The following OPLAH variants were observed in gnomAD, a reference collection of about 807,000 sequenced individuals.
OPLAH encodes 5-oxoprolinase.
In OPLAH, 103 loss-of-function variants were observed where a neutral mutation model predicts 122.8. That is an observed-to-expected ratio of 0.84 (90% CI 0.71 to 0.99). The LOEUF is 0.99. OPLAH is among the 50% of genes least tolerant of loss of function. OPLAH has a pLI of 0.00. For missense variants in OPLAH, 1,902 were observed against 1,836.5 expected (o/e 1.04, Z -0.65); for synonymous variants, 875 against 796.0 (o/e 1.10, Z -1.67).
downstream of OPLAH, chr8:144,050,607 C>G (rs1835350574): frequency 1.0e-6 from 1 of 985,608 alleles, no homozygotes. Context: ...GGGCACGCGC[C>G]AAAAGCAGCC....
In OPLAH at chr8:144,056,901, G is replaced by C. The variant is rs2129806600; in HGVS notation, c.1706+47C>G. ...CAGGAGGAACACCCACCAAGGGCGT[G>C]GTGAGGACAACGTAAGCCCTCTGTC... is the stretch of plus-strand genomic sequence containing the variant. On this transcript the variant is annotated intron_variant, in intron 12 of 26. Transcript: ENST00000618853. The C allele has an allele frequency of 2.0e-6, 3 of 1,532,538 alleles. No homozygotes were observed. In the South Asian group the frequency reaches 3.6e-5, roughly 19 times the overall value. 94.9% of individuals were successfully genotyped at this position (1,532,538 alleles called of 1,614,324 possible).
intron 19 of OPLAH, 67 bp from the exon 20 acceptor site, chr8:144,053,460 AG>A: frequency 6.8e-7 from 1 of 1,479,174 alleles, no homozygotes. Context: ...CAGGTTTCCC[AG>A]ATCCAGACAA....
chr8:144,060,456 C>G (rs1393634799), intron 1 of OPLAH, among the ~76,000 whole-genome samples, 197 bp downstream of exon 1: 1 of 152,222 alleles, frequency 6.6e-6, no homozygotes, highest in Non-Finnish European at 1.5e-5. Flanking sequence ...GGGGACCCCA[C>G]TTCCCGCTTT....
At position 144,056,500 on chromosome 8, in the gene OPLAH, A is replaced by T; in HGVS notation, c.1868T>A (p.Val623Asp). 6.2e-7 allele frequency: 1 copy of T among 1,611,884 alleles called. No homozygotes were observed. Among genetic ancestry groups the T allele is most frequent in the South Asian group, 1.1e-5 (1 of 91,022 alleles). The change falls in exon 14 of 27, where the codon GTC becomes GAC. Residue 623 changes from valine (V) to aspartate (D), a missense_variant. This residue lies in a region of OPLAH where 1,726 missense variants were observed against 1,642.1 expected (regional missense o/e 1.05). Coordinates refer to ENST00000618853, the MANE Select transcript of OPLAH (RefSeq NM_017570.5). ...CACGACCACCGGCCGCTCAGGTATG[A>T]CAAAGCCAAACTCCCTCATGTACCT... is the stretch of plus-strand genomic sequence containing the variant. The part of the protein sequence containing the change: ...VERYMREFGF[V>D]IPERPVVVDD...
At chr8:144,052,687 A>T in intron 22 of OPLAH, 79 bp downstream of exon 22, 1 of 1,536,454 alleles carries the variant, frequency 6.5e-7, no homozygotes, top group Non-Finnish European at 8.8e-7. Flanking sequence ...CCGTGGGGTC[A>T]GACCGTGGCT....
intron 5 of OPLAH, 27 bp downstream of exon 5, chr8:144,058,746 C>T (rs1428867372): frequency 6.3e-6 from 10 of 1,583,110 alleles, no homozygotes; most frequent in Admixed American, 3.4e-5. Flanking sequence ...CACCTGCTCC[C>T]GCAGCCCACA....
In OPLAH at chr8:144,058,327, G is replaced by A. The variant is rs781841221; in HGVS notation, c.861C>T (p.Leu287=). ...CCACCACGCCGCCGGCCGGGCCCGAGAGCACAGCACTGGAGCCGCTGAAGG... is the reference window on the plus strand; with the variant it reads ...CCACCACGCCGCCGGCCGGGCCCGAAAGCACAGCACTGGAGCCGCTGAAGG... ...MDTFSGSSAV[L]SGPAGGVVGY... The change falls in exon 7 of 27, where the codon CTC becomes CTT. Residue 287 remains leucine, a synonymous_variant. Coordinates refer to ENST00000618853, the MANE Select transcript of OPLAH (RefSeq NM_017570.5). The A allele has an allele frequency of 1.3e-5, 21 of 1,601,396 alleles. No homozygotes were observed. The East Asian group carries it at 3.2e-4, about 24-fold the overall frequency.
Position 144,059,669 on chromosome 8 carries a change from A to T in OPLAH, c.293T>A (p.Leu98Gln). ...GTCTCGGAAGCCACGTGTCACCAGC[A>T]GCGCCACCCGCTCCCCCTTCCGCTC... ...LLERKGERVA[L>Q]LVTRGFRDLL... Residue 98 changes from leucine to glutamine, a missense_variant, in exon 3 of 27, where the codon CTG (leucine) becomes CAG (glutamine). By Grantham distance (113) the Leu-to-Gln change is moderately radical. This residue lies in a region of OPLAH where 168 missense variants were observed against 170.6 expected (regional missense o/e 0.98). Transcript: ENST00000618853. The T allele has an allele frequency of 1.2e-6, 2 of 1,612,544 alleles. No individual in the cohort carries two copies. The highest frequency in any genetic ancestry group is 1.7e-6 in the Non-Finnish European group (2 of 1,179,770).
chr8:144,059,880 G>A lies in OPLAH; in HGVS notation c.153C>T (p.Ile51=). 2 of 1,612,776 alleles carry A rather than the reference G, an allele frequency of 1.2e-6. No individual in the cohort carries two copies. Among genetic ancestry groups the A allele is most frequent in the Non-Finnish European group, 1.7e-6 (2 of 1,179,818 alleles). Residue 51 remains isoleucine, a synonymous_variant, in exon 2 of 27, where the codon ATC becomes ATT. Transcript: ENST00000618853. ...ANYADAPTEG[I]RRILEQEAGM... ...GGCCCACCTGCTCCAGGATGCGGCG[G>A]ATGCCTTCGGTTGGCGCGTCCGCAT...
Position 144,055,682 on chromosome 8 carries a change from G to C in OPLAH, c.2248+106C>G. 3.7e-6 allele frequency: 5 copies of C among 1,338,022 alleles called. No homozygotes were observed. The highest frequency in any genetic ancestry group is 4.9e-6 in the Non-Finnish European group (5 of 1,026,294). The allele number at this position is 1,338,022 out of a possible 1,614,324, so 82.9% of individuals were successfully genotyped here. ...CTGCGGCCACACTGCCCGCCCCGTC[G>C]CCAGGGGGTCCTGCTTCTGCCTCTC... On this transcript the variant is annotated intron_variant, in intron 16 of 26. Transcript: ENST00000618853. The surrounding 1 kb of genome is among the most constrained non-coding windows in gnomAD (Gnocchi z 6.5).
chr8:144,055,178 G>A lies in OPLAH; in HGVS notation c.2260C>T (p.Arg754Cys), dbSNP rs201623019. The change falls in exon 17 of 27, where the codon CGC becomes TGC. Residue 754 changes from arginine to cysteine, a missense_variant. By Grantham distance (180) the Arg-to-Cys change is radical (BLOSUM62 -3). Transcript: ENST00000618853. The surrounding 1 kb of genome is among the most constrained non-coding windows in gnomAD (Gnocchi z 6.5). ...GAGATGGCTGTGCGCTGCAGGATGCGGCCCATCTGCTCTAGGAGCACAAAG... is the reference window on the plus strand; with the variant it reads ...GAGATGGCTGTGCGCTGCAGGATGCAGCCCATCTGCTCTAGGAGCACAAAG... ...RFMSIAEQMGRILQRTAISTN... is the reference protein window; with the variant it reads ...RFMSIAEQMGCILQRTAISTN... The A allele has an allele frequency of 2.2e-4, 340 of 1,541,104 alleles. No homozygotes were observed. Among genetic ancestry groups the A allele is most frequent in the Non-Finnish European group, 2.8e-4 (324 of 1,146,088 alleles).
downstream of OPLAH, chr8:144,050,493 C>G (rs1282747339): frequency 3.0e-6 from 3 of 985,304 alleles, no homozygotes; most frequent in Non-Finnish European, 3.6e-6. Context: ...AGGGGCGGAG[C>G]CAGGAGGCCC....
chr8:144,052,423 G>A (rs782245248), intron 23 of OPLAH, 26 bp downstream of exon 23: 6 of 1,463,914 alleles, frequency 4.1e-6, no homozygotes, highest in Non-Finnish European at 5.5e-6. Context: ...GTCCGCCCCC[G>A]AGCTGCGCCC....
Position 144,051,949 on chromosome 8 carries a change from C to T in OPLAH, c.3589G>A (p.Glu1197Lys). ...CCGTATGGCCGGAAGGCGCGGCGCT[C>T]GGTCAGCACTGACAGCAGCGCCTCC... Reference protein sequence around the residue: ...REEALLSVLTERRAFRPYGLH... With the variant: ...REEALLSVLTKRRAFRPYGLH... The change falls in exon 25 of 27, where the codon GAG becomes AAG. Residue 1197 changes from glutamate to lysine, a missense_variant. Physicochemically the swap from Glu to Lys is moderately conservative, Grantham distance 56. Transcript: ENST00000618853. The T allele has an allele frequency of 1.9e-6, 3 of 1,554,128 alleles. No homozygotes were observed. Among genetic ancestry groups the T allele is most frequent in the Non-Finnish European group, 2.6e-6 (3 of 1,158,366 alleles).
At chr8:144,057,380 G>A (rs782154816) in intron 10 of OPLAH, 60 bp from the exon 11 acceptor site, 1 of 1,582,612 alleles carries the variant, frequency 6.3e-7, no homozygotes, top group South Asian at 1.1e-5. Flanking sequence ...CCCCCAGCCT[G>A]AGCAGGAGGC....
chr8:144,060,697 G>A (rs1835647473), upstream of OPLAH: 1 of 152,084 alleles, frequency 6.6e-6, no homozygotes, highest in South Asian at 2.1e-4. Flanking sequence ...GGCTCTGCCT[G>A]CGCTCCCGGC....
At position 144,056,534 on chromosome 8, in the gene OPLAH, CGCGGGG is replaced by C; in HGVS notation, c.1845-17_1845-12del. 1 of 1,612,174 alleles carries C rather than the reference CGCGGGG, an allele frequency of 6.2e-7. No individual in the cohort carries two copies. Among genetic ancestry groups the C allele is most frequent in the Non-Finnish European group, 8.5e-7 (1 of 1,179,660 alleles). On this transcript the variant is annotated splice_polypyrimidine_tract_variant and intron_variant, in intron 13 of 26. Transcript: ENST00000618853. ...AACTCCCTCATGTACCTGCACTCCCCGCGGGGACCCAAGGAGTGGTCAGAGTGAGGC... is the reference window on the plus strand; with the variant it reads ...AACTCCCTCATGTACCTGCACTCCCCACCCAAGGAGTGGTCAGAGTGAGGC...
intron 19 of OPLAH, 23 bp downstream of exon 19, chr8:144,054,538 T>C (rs1835460008): frequency 6.4e-7 from 1 of 1,553,076 alleles, no homozygotes; most frequent in Non-Finnish European, 8.7e-7. Flanking sequence ...ACAGAAGGCC[T>C]GCCCCACCCC....
chr8:144,052,444 C>G lies in OPLAH; in HGVS notation c.3303+5G>C, dbSNP rs1287913116. On this transcript the variant is annotated splice_donor_5th_base_variant and intron_variant, in intron 23 of 26. Transcript: ENST00000618853. ...CCCCGAGCTGCGCCCACCCCGCCCC[C>G]GCACCTGGGAGGCGGCGCAGGCCCC... 2.0e-6 allele frequency: 3 copies of G among 1,534,544 alleles called. No individual in the cohort carries two copies. The highest frequency in any genetic ancestry group is 2.6e-6 in the Non-Finnish European group (3 of 1,145,450).
Sources: allele counts gnomAD v4.1 joint callset (sites outside exome capture counted in the v4.1 genomes callset), GRCh38; gene constraint gnomAD v4.1.1; regional missense constraint gnomAD v4.1.1; non-coding constraint Gnocchi (gnomAD v3.1); transcripts MANE v1.5; gene names NCBI Gene and HGNC (gene_info 2026-07-23, HGNC 2026-07-21).